ZCWPW2: variants seen among roughly 807,000 people sequenced by gnomAD.
ZCWPW2 encodes zinc finger CW-type and PWWP domain containing 2.
Under a neutral mutation model 46.6 loss-of-function variants are expected in ZCWPW2, and 45 were observed. The observed-to-expected ratio is 0.96, with a 90% confidence interval of 0.76 to 1.24. The LOEUF is 1.24. ZCWPW2 is among the 50% of genes most tolerant of loss of function. The probability of loss-of-function intolerance (pLI) is 0.00; values close to 1 mark genes in which losing one functional copy is unlikely to be tolerated. For missense variants in ZCWPW2, 429 were observed against 403.9 expected (o/e 1.06, Z -0.53); for synonymous variants, 152 against 137.1 (o/e 1.11, Z -0.76).
chr3:28,494,453 A>G, intron 6 of ZCWPW2, among the ~76,000 whole-genome samples: 1 of 147,864 alleles, frequency 6.8e-6, no homozygotes, highest in East Asian at 2.0e-4. Context: ...CAAAGATCAG[A>G]TAGTTGTAGA....
rs996992846 is a variant in ZCWPW2, at chr3:28,349,167, C to T, written c.-170C>T. On this transcript the variant is annotated 5_prime_UTR_variant, in exon 1 of 10. Transcript: ENST00000383768. The stretch of plus-strand genomic sequence containing the variant: ...CCTCCGCGGCGGGACGGGGCGGGGC[C>T]GCGGGACGCCAGGAGGCGGAGGCGG... 4 of 985,532 alleles carry T rather than the reference C, an allele frequency of 4.1e-6. No individual in the cohort carries two copies. In the African/African-American group the frequency reaches 5.2e-5, roughly 13 times the overall value. 61.0% of individuals were successfully genotyped at this position (985,532 alleles called of 1,614,324 possible).
At chr3:28,380,934 GTA>G (rs578178124) in intron 1 of ZCWPW2, among the ~76,000 whole-genome samples, 540 of 13,386 alleles carry the variant, frequency 0.04, 72 homozygotes, top group African/African-American at 0.074. Context: ...TATATATTTG[GTA>G]TATATATATA....
intron 5 of ZCWPW2, among the ~76,000 whole-genome samples, chr3:28,491,720 T>C (rs1487559486): frequency 2.6e-5 from 4 of 152,028 alleles, no homozygotes; most frequent in Non-Finnish European, 4.4e-5. Flanking sequence ...AAATAAGATA[T>C]CTATATAAAG....
At position 28,457,867 on chromosome 3, in the gene ZCWPW2, G is replaced by A. The variant is rs536885889; in HGVS notation, c.493-20947G>A. 7.9e-5 allele frequency among the ~76,000 whole-genome samples: 12 copies of A among 152,134 alleles called. No homozygotes were observed. In the South Asian group the frequency reaches 2.5e-3, roughly 32 times the overall value. ...AGTGTTTTTATTCTTTTTAAAAATT[G>A]TATTAAAATAGATATAAGATAAAAT... On this transcript the variant is annotated intron_variant, in intron 4 of 9. Transcript: ENST00000383768.
rs1005303969 is a variant in ZCWPW2, at chr3:28,525,509, T to C, written c.*821T>C. Among the ~76,000 whole-genome samples the C allele has an allele frequency of 1.3e-5, 2 of 152,104 alleles. No homozygotes were observed. The highest frequency in any genetic ancestry group is 4.8e-5 in the African/African-American group (2 of 41,422). ...CTATCTTTAGTTCCTGCTCTATCTC[T>C]TTCTGGTGGTACGGGGTGGGGAAAA... On this transcript the variant is annotated 3_prime_UTR_variant, in exon 10 of 10. Coordinates refer to ENST00000383768, the MANE Select transcript of ZCWPW2 (RefSeq NM_001040432.4).
chr3:28,360,749 A>T (rs1704909990), intron 1 of ZCWPW2, among the ~76,000 whole-genome samples: 1 of 152,180 alleles, frequency 6.6e-6, no homozygotes, highest in Non-Finnish European at 1.5e-5. Context: ...AAAAAACAAA[A>T]ACAAAAACAG....
At chr3:28,366,774 G>A (rs1309495700) in intron 1 of ZCWPW2, among the ~76,000 whole-genome samples, 1 of 152,094 alleles carries the variant, frequency 6.6e-6, no homozygotes, top group African/African-American at 2.4e-5. Flanking sequence ...ATCTGGTCCT[G>A]GACTTTTTTT....
Position 28,395,474 on chromosome 3 carries a change from G to A in ZCWPW2, c.-14+4857G>A, listed in dbSNP as rs140545559. On this transcript the variant is annotated intron_variant, in intron 2 of 9. Transcript: ENST00000383768. The stretch of plus-strand genomic sequence containing the variant: ...TTTCCAATCCCATGTTAACTGCGGT[G>A]GCATTCACATTAGCCAAGAAGTGGA... 2.5e-3 allele frequency among the ~76,000 whole-genome samples: 386 copies of A among 152,206 alleles called. 1 individual carries two copies. Among genetic ancestry groups the A allele is most frequent in the African/African-American group, 8.4e-3 (350 of 41,538 alleles).
intron 9 of ZCWPW2, among the ~76,000 whole-genome samples, chr3:28,523,668 T>C (rs569063547): frequency 6.6e-6 from 1 of 152,232 alleles, no homozygotes; most frequent in East Asian, 1.9e-4. Flanking sequence ...GGCATTTACA[T>C]CAATGGATGA....
intron 4 of ZCWPW2, among the ~76,000 whole-genome samples, chr3:28,457,873 A>C (rs1357757795): frequency 6.6e-6 from 1 of 152,216 alleles, no homozygotes; most frequent in Non-Finnish European, 1.5e-5. Flanking sequence ...AATTGTATTA[A>C]AATAGATATA....
At chr3:28,515,989 C>T (rs1041760005) in intron 8 of ZCWPW2, among the ~76,000 whole-genome samples, 1 of 152,004 alleles carries the variant, frequency 6.6e-6, no homozygotes, top group Non-Finnish European at 1.5e-5. Context: ...GCCTGTAATC[C>T]TAGCACCTTG....
chr3:28,423,477 C>A (rs991603681), intron 3 of ZCWPW2, among the ~76,000 whole-genome samples: 1 of 151,280 alleles, frequency 6.6e-6, no homozygotes, highest in African/African-American at 2.4e-5. Flanking sequence ...CGCCATTCTC[C>A]TGTCTCAGCC....
chr3:28,426,704 G>A (rs2125754214), intron 3 of ZCWPW2, among the ~76,000 whole-genome samples: 1 of 152,270 alleles, frequency 6.6e-6, no homozygotes, highest in East Asian at 1.9e-4. Flanking sequence ...ATTAGGTACA[G>A]TCCAGAGATT....
intron 4 of ZCWPW2, chr3:28,478,270 G>C: frequency 3.3e-6 from 1 of 298,508 alleles, no homozygotes; most frequent in Non-Finnish European, 6.9e-6. Flanking sequence ...TTGAGACAGA[G>C]TCTTACTCTC....
At chr3:28,446,676 A>G (rs1698002344) in intron 4 of ZCWPW2, among the ~76,000 whole-genome samples, 1 of 152,104 alleles carries the variant, frequency 6.6e-6, no homozygotes, top group Non-Finnish European at 1.5e-5. Flanking sequence ...AGATAAGAGC[A>G]GAGATAAGAT....
At chr3:28,521,955 C>T (rs964513611) in intron 9 of ZCWPW2, among the ~76,000 whole-genome samples, 7 of 152,134 alleles carry the variant, frequency 4.6e-5, no homozygotes, top group African/African-American at 7.2e-5. Context: ...CCAATAAGGA[C>T]TTATGTAATT....
At chr3:28,349,594 T>G (rs983494957) in intron 1 of ZCWPW2, among the ~76,000 whole-genome samples, 2 of 152,284 alleles carry the variant, frequency 1.3e-5, no homozygotes, top group African/African-American at 4.8e-5. Context: ...TCCCTGGAGT[T>G]GCCACCACCT....
At chr3:28,405,185 T>C (rs1447955754) in intron 2 of ZCWPW2, among the ~76,000 whole-genome samples, 1 of 152,228 alleles carries the variant, frequency 6.6e-6, no homozygotes, top group Non-Finnish European at 1.5e-5. Flanking sequence ...CAGTCTTTGA[T>C]GTTGATCTTT....
Position 28,413,302 on chromosome 3 carries a change from C to T in ZCWPW2, c.234C>T (p.Phe78=), listed in dbSNP as rs1340893231. 1 of 1,613,136 alleles carries T rather than the reference C, an allele frequency of 6.2e-7. No homozygotes were observed. Among genetic ancestry groups the T allele is most frequent in the Non-Finnish European group, 8.5e-7 (1 of 1,179,494 alleles). The change falls in exon 3 of 10, where the codon TTC becomes TTT. Residue 78 remains phenylalanine, a synonymous_variant. Transcript: ENST00000383768. ...ACTGCTCAATTTCTGAAGAAGACTT[C>T]CCTGAAGAGTCTCAGCTTCATCAGT... ...YNNCSISEED[F]PEESQLHQCG...
Sources: gnomAD v4.1 joint callset for allele counts (sites outside exome capture counted in the v4.1 genomes callset) on GRCh38, gnomAD v4.1.1 for gene constraint, MANE v1.5 for transcripts, NCBI Gene and HGNC (gene_info 2026-07-23, HGNC 2026-07-21) for gene names.